TSC22D1: variants seen among roughly 807,000 people sequenced by gnomAD.
TSC22D1 encodes TSC22 domain family protein 1.
A neutral mutation model predicts 74.2 loss-of-function variants in TSC22D1; 9 were observed. The ratio of observed to expected loss-of-function variants is 0.12; its 90% CI spans 0.07 to 0.21. TSC22D1 has a LOEUF of 0.21. Among genes scored for constraint, TSC22D1 ranks in the 10% least tolerant of loss-of-function variants. The pLI is 1.00. For synonymous variants in TSC22D1, 586 were observed against 492.5 expected (o/e 1.19, Z -2.51); for missense variants, 1,427 against 1,304.7 (o/e 1.09, Z -1.44).
chr13:44,438,785 T>C (rs1405925578), intron 1 of TSC22D1, among the ~76,000 whole-genome samples: 2 of 152,194 alleles, frequency 1.3e-5, no homozygotes, highest in Non-Finnish European at 2.9e-5. Flanking sequence ...GGTCCCTATG[T>C]CTATGAATGC....
intron 1 of TSC22D1, among the ~76,000 whole-genome samples, chr13:44,509,471 T>A (rs190317320): frequency 6.6e-6 from 1 of 152,172 alleles, no homozygotes. Flanking sequence ...AAACCCCGTC[T>A]CTATTAAAAA....
chr13:44,540,590 A>G (rs1399016058), intron 1 of TSC22D1, among the ~76,000 whole-genome samples: 4 of 152,190 alleles, frequency 2.6e-5, no homozygotes, highest in Non-Finnish European at 5.9e-5. Flanking sequence ...TACAGACTCA[A>G]AATCCTTTTT....
intron 1 of TSC22D1, among the ~76,000 whole-genome samples, chr13:44,446,784 A>G (rs71430519): frequency 2.1e-4 from 17 of 80,654 alleles, no homozygotes; most frequent in East Asian, 2.0e-3. Context: ...AAGAGGAAGA[A>G]GAGGAGGAGG....
chr13:44,530,111 G>A (rs992682376), intron 1 of TSC22D1, among the ~76,000 whole-genome samples: 3 of 152,016 alleles, frequency 2.0e-5, no homozygotes, highest in Non-Finnish European at 4.4e-5. Context: ...TGGCCAACAC[G>A]ATACCGAAGA....
At chr13:44,448,331 C>T (rs1875848052) in intron 1 of TSC22D1, among the ~76,000 whole-genome samples, 2 of 152,116 alleles carry the variant, frequency 1.3e-5, no homozygotes, top group Non-Finnish European at 2.9e-5. Context: ...GATAAGCAGT[C>T]CTAAAAGACC....
At position 44,480,637 on chromosome 13, in the gene TSC22D1, CAG is replaced by C. The variant is rs1302065235; in HGVS notation, c.2913-44544_2913-44543del. On this transcript the variant is annotated intron_variant, in intron 1 of 2. Transcript: ENST00000458659. ...ACAGGAGGGGTGGATTATGTGAAAA[CAG>C]GAATAAATAAGAGGCTGTTTGGAGG... Among the ~76,000 whole-genome samples the C allele has an allele frequency of 2.6e-5, 4 of 152,034 alleles. No individual in the cohort carries two copies. The East Asian group carries it at 7.7e-4, about 29-fold the overall frequency.
At chr13:44,441,436 A>AT (rs1875196365) in intron 1 of TSC22D1, among the ~76,000 whole-genome samples, 1 of 152,124 alleles carries the variant, frequency 6.6e-6, no homozygotes, top group South Asian at 2.1e-4. Context: ...GACCCATATT[A>AT]TTTTTTCATT....
At chr13:44,532,028 A>C (rs909823864) in intron 1 of TSC22D1, among the ~76,000 whole-genome samples, 5 of 152,202 alleles carry the variant, frequency 3.3e-5, no homozygotes, top group African/African-American at 1.2e-4. Context: ...GTTACCCTTA[A>C]ATTAGTAAAT....
chr13:44,468,815 GTAGAAGACTGGCTTA>G (rs1241409949), intron 1 of TSC22D1, among the ~76,000 whole-genome samples: 1 of 149,702 alleles, frequency 6.7e-6, no homozygotes, highest in African/African-American at 2.4e-5. Flanking sequence ...TAGTTTTCCT[GTAGAAGACTGGCTTA>G]TGTCTAAGTT....
chr13:44,440,515 G>T (rs566981791), intron 1 of TSC22D1, among the ~76,000 whole-genome samples: 267 of 150,538 alleles, frequency 1.8e-3, no homozygotes, highest in Admixed American at 3.9e-3. Context: ...TTGAACCCAG[G>T]AGGCAGAGGT....
At chr13:44,522,214 C>T (rs979008781) in intron 1 of TSC22D1, among the ~76,000 whole-genome samples, 3 of 152,064 alleles carry the variant, frequency 2.0e-5, no homozygotes, top group African/African-American at 7.2e-5. Flanking sequence ...GACAGTAACA[C>T]ATTCAGAGAC....
At chr13:44,491,945 T>C (rs1340977661) in intron 1 of TSC22D1, among the ~76,000 whole-genome samples, 2 of 152,206 alleles carry the variant, frequency 1.3e-5, no homozygotes, top group Non-Finnish European at 2.9e-5. Flanking sequence ...GGAAACACTA[T>C]ACATATCTTC....
intron 1 of TSC22D1, chr13:44,539,930 T>C (rs1881365620): frequency 2.3e-6 from 3 of 1,289,418 alleles, no homozygotes; most frequent in African/African-American, 3.0e-5. Context: ...AGCACTGAAA[T>C]AGAGAGCTGA....
At chr13:44,469,795 TAA>T (rs1268935419) in intron 1 of TSC22D1, among the ~76,000 whole-genome samples, 5 of 151,962 alleles carry the variant, frequency 3.3e-5, no homozygotes, top group African/African-American at 9.7e-5. Flanking sequence ...CTATGAAGTT[TAA>T]AAAAAAGTTC....
chr13:44,446,979 G>C (rs749382798), intron 1 of TSC22D1, among the ~76,000 whole-genome samples: 1 of 152,020 alleles, frequency 6.6e-6, no homozygotes, highest in Non-Finnish European at 1.5e-5. Context: ...GTATAGCTCA[G>C]TAGTGTTAAG....
Position 44,573,311 on chromosome 13 carries a change from C to G in TSC22D1, c.2764G>C (p.Val922Leu), listed in dbSNP as rs1385402640. Residue 922 changes from valine to leucine, a missense_variant, in exon 1 of 3, where the codon GTT becomes CTT. This residue lies in a region of TSC22D1 where 1,343 missense variants were observed against 1,191.5 expected (regional missense o/e 1.13). Coordinates refer to ENST00000458659, the MANE Select transcript of TSC22D1 (RefSeq NM_183422.4). ...CCACTGATAGTCTGAGGTAAGCCAACTAAGGAGGGCTCCGCTGCACGCCTG... is the reference window on the plus strand; with the variant it reads ...CCACTGATAGTCTGAGGTAAGCCAAGTAAGGAGGGCTCCGCTGCACGCCTG... ...DARRAAEPSL[V>L]GLPQTISGDS... The G allele has an allele frequency of 1.2e-6, 2 of 1,614,242 alleles. No homozygotes were observed. Among genetic ancestry groups the G allele is most frequent in the South Asian group, 2.2e-5 (2 of 91,088 alleles).
intron 1 of TSC22D1, among the ~76,000 whole-genome samples, chr13:44,477,483 C>T (rs562389585): frequency 1.3e-5 from 2 of 151,890 alleles, no homozygotes; most frequent in Non-Finnish European, 2.9e-5. Context: ...GGCATTTAAA[C>T]GTCTAATTCT....
Position 44,468,571 on chromosome 13 carries a change from T to G in TSC22D1, c.2913-32476A>C, listed in dbSNP as rs1378728597. ...GTCTGTGCTCCTAACCATGACATTCTGCATTATTTAAGATACCTTCCACCT... is the reference window on the plus strand; with the variant it reads ...GTCTGTGCTCCTAACCATGACATTCGGCATTATTTAAGATACCTTCCACCT... On this transcript the variant is annotated intron_variant, in intron 1 of 2. Transcript: ENST00000458659. Among the ~76,000 whole-genome samples, 3 of 149,758 alleles carry G rather than the reference T, an allele frequency of 2.0e-5. 1 individual carries two copies. The highest frequency in any genetic ancestry group is 1.5e-5 in the Non-Finnish European group (1 of 66,824).
chr13:44,505,251 G>A (rs1879394367), intron 1 of TSC22D1, among the ~76,000 whole-genome samples: 2 of 152,122 alleles, frequency 1.3e-5, no homozygotes, highest in African/African-American at 4.8e-5. Flanking sequence ...AACAAAGCAA[G>A]ACCTCATCTC....
Sources: gnomAD v4.1 joint callset for allele counts (sites outside exome capture counted in the v4.1 genomes callset) on GRCh38, gnomAD v4.1.1 for gene constraint, gnomAD v4.1.1 regional missense constraint, MANE v1.5 for transcripts, NCBI Gene and HGNC (gene_info 2026-07-23, HGNC 2026-07-21) for gene names.